Variants in KIAA1217 observed in about 807,000 individuals in gnomAD.
KIAA1217 encodes sickle tail protein homolog.
KIAA1217 carries 88 observed loss-of-function variants against 163.9 expected under a neutral mutation model. The observed-to-expected ratio is 0.54, with a 90% confidence interval of 0.45 to 0.64. The LOEUF is 0.64. Among genes scored for constraint, KIAA1217 ranks in the 30% least tolerant of loss-of-function variants. The pLI is 0.00. For synonymous variants in KIAA1217, 903 were observed against 923.1 expected, an observed-to-expected ratio of 0.98 and a Z score of 0.39; for missense variants, 2,372 against 2,475.0, an observed-to-expected ratio of 0.96 and a Z score of 0.88.
intron 4 of KIAA1217, 118 bp from the exon 5 acceptor site, chr10:24,438,268 T>C: frequency 1.4e-6 from 1 of 709,256 alleles, no homozygotes; most frequent in Non-Finnish European, 2.6e-6. Flanking sequence ...TGGCGTACTG[T>C]AGATAGCCTT....
Position 24,076,123 on chromosome 10 carries a change from T to C in KIAA1217, c.-171+68749T>C, listed in dbSNP as rs137907603. Among the ~76,000 whole-genome samples, 254 of 152,278 alleles carry C rather than the reference T, an allele frequency of 1.7e-3. 1 individual carries two copies. In the Middle Eastern group the frequency reaches 0.017, roughly 10 times the overall value. On this transcript the variant is annotated intron_variant, in intron 2 of 18. Coordinates refer to the KIAA1217 transcript ENST00000376462. ...GGACCTAATCTGTGTATTGGTTTCA[T>C]TGAGACCCAAGGCAGATATTGGGCT...
At chr10:24,243,037 T>C (rs565778337) in intron 2 of KIAA1217, among the ~76,000 whole-genome samples, 1 of 152,314 alleles carries the variant, frequency 6.6e-6, no homozygotes, top group East Asian at 1.9e-4. Flanking sequence ...GGTTGTTTGC[T>C]CTGTTGATGG....
chr10:24,007,450 C>T (rs1452043511), intron 2 of KIAA1217: 3 of 152,150 alleles, frequency 2.0e-5, no homozygotes, highest in Non-Finnish European at 2.9e-5. Flanking sequence ...GAGCTGTAGG[C>T]CTATCTATAA....
At chr10:24,009,123 G>A (rs1310620952) in intron 2 of KIAA1217, among the ~76,000 whole-genome samples, 1 of 152,172 alleles carries the variant, frequency 6.6e-6, no homozygotes, top group Non-Finnish European at 1.5e-5. Context: ...AAAAGAACTT[G>A]CAACCACTTT....
chr10:24,287,223 G>A (rs1236153693), intron 2 of KIAA1217, among the ~76,000 whole-genome samples: 1 of 152,088 alleles, frequency 6.6e-6, no homozygotes, highest in Non-Finnish European at 1.5e-5. Flanking sequence ...CTAATTTTTT[G>A]TATTTCTAGT....
rs2071336031 is a variant in KIAA1217 at position 24,521,808 on chromosome 10, A to G, written c.2335A>G (p.Met779Val). The stretch of plus-strand genomic sequence containing the variant: ...AGAATTTCCAACCTTACAAAACAAG[A>G]TGCGAGCCATCCTGCGCATAGAAGT... ...KGEFPTLQNK[M>V]RAILRIEVEA... The change falls in exon 12 of 21, where the codon ATG (methionine) becomes GTG (valine). Residue 779 changes from methionine to valine, a missense_variant. Physicochemically the swap from Met to Val is conservative, Grantham distance 21 (BLOSUM62 1). Coordinates refer to ENST00000376454, the MANE Select transcript of KIAA1217 (RefSeq NM_019590.5). 1 of 1,613,294 alleles carries G rather than the reference A, an allele frequency of 6.2e-7. No individual in the cohort carries two copies. The highest frequency in any genetic ancestry group is 8.5e-7 in the Non-Finnish European group (1 of 1,179,924).
At chr10:24,117,052 G>A (rs111338558) in intron 2 of KIAA1217, among the ~76,000 whole-genome samples, 6 of 150,866 alleles carry the variant, frequency 4.0e-5, no homozygotes, top group Non-Finnish European at 8.8e-5. Flanking sequence ...TTTTGGGTGG[G>A]GGGGGATGGA....
chr10:23,767,941 T>C (rs370828533), intron 1 of KIAA1217, among the ~76,000 whole-genome samples: 2 of 152,288 alleles, frequency 1.3e-5, no homozygotes, highest in East Asian at 3.9e-4. Flanking sequence ...ATTTGGGCAG[T>C]ACACGCTGGG....
At chr10:23,761,673 A>G (rs1834266371) in intron 1 of KIAA1217, among the ~76,000 whole-genome samples, 2 of 152,182 alleles carry the variant, frequency 1.3e-5, no homozygotes, top group African/African-American at 4.8e-5. Context: ...TTTACTTCCC[A>G]CTATATGGTC....
At chr10:23,800,247 T>A (rs1443329074) in intron 1 of KIAA1217, among the ~76,000 whole-genome samples, 3 of 152,184 alleles carry the variant, frequency 2.0e-5, no homozygotes, top group Non-Finnish European at 2.9e-5. Context: ...TATGATGACT[T>A]TTTTCCTCAG....
chr10:24,274,867 G>A (rs376794500), intron 2 of KIAA1217, among the ~76,000 whole-genome samples: 1 of 151,942 alleles, frequency 6.6e-6, no homozygotes, highest in African/African-American at 2.4e-5. Context: ...ATGCCAAATA[G>A]TACTTCCACA....
intron 1 of KIAA1217, among the ~76,000 whole-genome samples, chr10:23,888,192 T>C (rs1249652990): frequency 6.6e-6 from 1 of 151,942 alleles, no homozygotes; most frequent in Non-Finnish European, 1.5e-5. Context: ...AAACTACCTC[T>C]GTGACTCATT....
Position 24,462,671 on chromosome 10 carries a change from A to G in KIAA1217, c.847-10557A>G, listed in dbSNP as rs79457414. 1.3e-3 allele frequency among the ~76,000 whole-genome samples: 198 copies of G among 152,282 alleles called. 5 individuals carry two copies. In the East Asian group the frequency reaches 0.033, roughly 26 times the overall value. On this transcript the variant is annotated intron_variant, in intron 5 of 20. Transcript: ENST00000376454. Reference sequence around the variant, plus strand: ...GTTCTGGAGCCCATGAAATGTCACAATTGAGAGCCCTTTGTAAACTGCAAA... The same window carrying G: ...GTTCTGGAGCCCATGAAATGTCACAGTTGAGAGCCCTTTGTAAACTGCAAA...
intron 2 of KIAA1217, among the ~76,000 whole-genome samples, chr10:24,262,956 A>T (rs2131757371): frequency 6.6e-6 from 1 of 152,202 alleles, no homozygotes; most frequent in South Asian, 2.1e-4. Flanking sequence ...TCAAAAAAAA[A>T]AAAAAAAGAG....
At chr10:24,330,102 C>A (rs2045466501) in intron 2 of KIAA1217, among the ~76,000 whole-genome samples, 1 of 151,942 alleles carries the variant, frequency 6.6e-6, no homozygotes, top group Admixed American at 6.6e-5. Context: ...GAGTTGGAGA[C>A]CAGCCTGGCC....
At chr10:24,106,815 C>G (rs1449237465) in intron 2 of KIAA1217, among the ~76,000 whole-genome samples, 2 of 152,142 alleles carry the variant, frequency 1.3e-5, no homozygotes, top group African/African-American at 2.4e-5. Context: ...AAAATCCCCA[C>G]CAGTTATTTC....
At chr10:24,264,143 G>A (rs1257559723) in intron 2 of KIAA1217, among the ~76,000 whole-genome samples, 7 of 152,160 alleles carry the variant, frequency 4.6e-5, no homozygotes, top group African/African-American at 1.7e-4. Context: ...ACAGGTGTGA[G>A]CCACCGCTCC....
chr10:24,392,441 T>C (rs2055110281), intron 3 of KIAA1217, among the ~76,000 whole-genome samples: 1 of 152,180 alleles, frequency 6.6e-6, no homozygotes, highest in Admixed American at 6.5e-5. Context: ...TAACTTAGAA[T>C]CTATAGATTT....
At chr10:24,364,209 G>C (rs61848093) in intron 2 of KIAA1217, among the ~76,000 whole-genome samples, 2,456 of 151,416 alleles carry the variant, frequency 0.016, 40 homozygotes, top group Non-Finnish European at 0.026. Context: ...GAACTCCTGA[G>C]CTCAGGTGAT....
Sources: gnomAD v4.1 joint callset for allele counts (sites outside exome capture counted in the v4.1 genomes callset) on GRCh38, gnomAD v4.1.1 for gene constraint, MANE v1.5 for transcripts, NCBI Gene and HGNC (gene_info 2026-07-23, HGNC 2026-07-21) for gene names.